Variants in DPP10 observed in about 807,000 individuals in gnomAD.
DPP10 encodes the protein dipeptidyl peptidase like 10.
In DPP10, 33 loss-of-function variants were observed where a neutral mutation model predicts 120.9. The observed-to-expected ratio is 0.27, with a 90% confidence interval of 0.21 to 0.37. The LOEUF is 0.37. DPP10 is among the 10% of genes least tolerant of loss of function. DPP10 has a pLI of 1.00. For missense variants in DPP10, 816 were observed against 942.8 expected, an observed-to-expected ratio of 0.87 and a Z score of 1.76; for synonymous variants, 337 against 326.1, an observed-to-expected ratio of 1.03 and a Z score of -0.36.
intron 1 of DPP10, among the ~76,000 whole-genome samples, chr2:114,796,759 T>A (rs1465462910): frequency 1.3e-5 from 2 of 152,198 alleles, no homozygotes; most frequent in Non-Finnish European, 2.9e-5. Flanking sequence ...CTGTTTCCTA[T>A]GTGCAAGTGA....
chr2:114,569,729 A>G (rs1189978788), intron 1 of DPP10, among the ~76,000 whole-genome samples: 1 of 150,438 alleles, frequency 6.6e-6, no homozygotes, highest in Non-Finnish European at 1.5e-5. Context: ...AAAATGGTAA[A>G]GAGTCCTGCA....
intron 5 of DPP10, among the ~76,000 whole-genome samples, chr2:115,560,483 G>A (rs2080572283): frequency 8.3e-6 from 1 of 120,082 alleles, no homozygotes; most frequent in Non-Finnish European, 1.6e-5. Context: ...GAGGAGACGG[G>A]GGAAGTATAT....
intron 1 of DPP10, among the ~76,000 whole-genome samples, chr2:114,477,185 C>T (rs1220277182): frequency 6.6e-6 from 1 of 151,870 alleles, no homozygotes. Context: ...TCTTGAACTC[C>T]TGACCTCAAA....
intron 1 of DPP10, among the ~76,000 whole-genome samples, chr2:114,867,662 T>G (rs1211899082): frequency 6.6e-6 from 1 of 152,268 alleles, no homozygotes; most frequent in Non-Finnish European, 1.5e-5. Context: ...TGCCTCATTA[T>G]GCACCAAGCT....
intron 17 of DPP10, 29 bp from the exon 18 acceptor site, chr2:115,791,052 C>A (rs777460735): frequency 3.3e-6 from 5 of 1,526,966 alleles, no homozygotes; most frequent in Non-Finnish European, 4.5e-6. Context: ...TAGGGGTTAG[C>A]TATTTACACT....
intron 1 of DPP10, among the ~76,000 whole-genome samples, chr2:114,496,864 T>C (rs1682563817): frequency 6.6e-6 from 1 of 151,984 alleles, no homozygotes; most frequent in African/African-American, 2.4e-5. Flanking sequence ...TGAGCAAAAC[T>C]GGAAGAAACA....
At chr2:114,756,902 C>A (rs1215854459) in intron 1 of DPP10, among the ~76,000 whole-genome samples, 1 of 152,090 alleles carries the variant, frequency 6.6e-6, no homozygotes, top group Admixed American at 6.5e-5. Context: ...GTTAAGGAAG[C>A]CCCGTTGAGG....
At chr2:115,363,348 C>A (rs562702530) in intron 3 of DPP10, among the ~76,000 whole-genome samples, 1 of 152,290 alleles carries the variant, frequency 6.6e-6, no homozygotes, top group East Asian at 1.9e-4. Flanking sequence ...AATGTGAAAT[C>A]TCTTAAGTAG....
At chr2:115,319,350 G>T (rs1373525776) in intron 2 of DPP10, among the ~76,000 whole-genome samples, 2 of 152,008 alleles carry the variant, frequency 1.3e-5, no homozygotes, top group East Asian at 1.9e-4. Context: ...TGATCTGTTG[G>T]TTTCTTTTCT....
intron 1 of DPP10, among the ~76,000 whole-genome samples, chr2:115,039,592 C>G (rs992321654): frequency 6.6e-6 from 1 of 151,850 alleles, no homozygotes; most frequent in African/African-American, 2.4e-5. Context: ...TTCCCTCAGT[C>G]AGTGACATTA....
chr2:114,692,982 AGATGGGTCTTTTGAAGACAGCATAGT>A, intron 1 of DPP10, among the ~76,000 whole-genome samples: 1 of 152,078 alleles, frequency 6.6e-6, no homozygotes, highest in African/African-American at 2.4e-5. Context: ...TTTGCACGTG[AGATGGGTCTTTTGAAGACAGCATAGT>A]GATGGGTCTT....
At position 115,219,200 on chromosome 2, in the gene DPP10, A is replaced by G. The variant is rs995777598; in HGVS notation, c.61-90039A>G. The stretch of plus-strand genomic sequence containing the variant: ...AAGATGGTAAACACATGCTCATAAC[A>G]TAGGTCTGCATTGACCTCTCTATAC... On this transcript the variant is annotated intron_variant, in intron 1 of 25. Coordinates refer to ENST00000410059, the MANE Select transcript of DPP10 (RefSeq NM_020868.6). Among the ~76,000 whole-genome samples, 3 of 152,162 alleles carry G rather than the reference A, an allele frequency of 2.0e-5. No individual in the cohort carries two copies. The East Asian group carries it at 5.8e-4, about 29-fold the overall frequency.
At chr2:114,874,290 G>A (rs746702881) in intron 1 of DPP10, among the ~76,000 whole-genome samples, 2 of 152,116 alleles carry the variant, frequency 1.3e-5, no homozygotes, top group South Asian at 2.1e-4. Flanking sequence ...AGGATCAACT[G>A]CTCGAGATCA....
At chr2:114,442,925 C>A in intron 1 of DPP10, 87 bp downstream of exon 1, 1 of 1,500,332 alleles carries the variant, frequency 6.7e-7, no homozygotes, top group Non-Finnish European at 9.2e-7. Flanking sequence ...GGGGTACTGA[C>A]AGTGGACATA....
chr2:114,565,847 G>A (rs75394371), intron 1 of DPP10, among the ~76,000 whole-genome samples: 6,578 of 152,156 alleles, frequency 0.043, 181 homozygotes, highest in Non-Finnish European at 0.07. Context: ...GCAGTGCTAG[G>A]CACACATGGA....
intron 2 of DPP10, among the ~76,000 whole-genome samples, chr2:115,322,538 C>G (rs1319910937): frequency 6.6e-6 from 1 of 152,172 alleles, no homozygotes. Flanking sequence ...CTTCCTGCCT[C>G]TCTTATTGTG....
intron 1 of DPP10, among the ~76,000 whole-genome samples, chr2:114,737,003 T>C (rs1456061278): frequency 2.0e-5 from 3 of 152,228 alleles, no homozygotes; most frequent in Non-Finnish European, 4.4e-5. Context: ...CCTTCTGTAA[T>C]TGTTGCCATC....
chr2:115,551,597 C>T (rs1186491393), intron 5 of DPP10, among the ~76,000 whole-genome samples: 1 of 152,060 alleles, frequency 6.6e-6, no homozygotes, highest in East Asian at 1.9e-4. Flanking sequence ...CTCTTTATTC[C>T]TTATGGACAG....
chr2:115,462,162 C>T (rs1390616781), intron 3 of DPP10, among the ~76,000 whole-genome samples: 1 of 152,240 alleles, frequency 6.6e-6, no homozygotes, highest in Admixed American at 6.5e-5. Flanking sequence ...GTGAATGATA[C>T]CGTCACTTAC....
Sources: allele counts gnomAD v4.1 joint callset (sites outside exome capture counted in the v4.1 genomes callset), GRCh38; gene constraint gnomAD v4.1.1; transcripts MANE v1.5; gene names NCBI Gene and HGNC (gene_info 2026-07-23, HGNC 2026-07-21).